The following EDAR variants were observed in gnomAD, a reference collection of about 807,000 sequenced individuals.
EDAR encodes ectodysplasin A receptor.
In EDAR, 38 loss-of-function variants were observed where a neutral mutation model predicts 51.3. That is an observed-to-expected ratio of 0.74 (90% CI 0.57 to 0.97). EDAR has a LOEUF of 0.97. Among genes scored for constraint, EDAR ranks in the 50% least tolerant of loss-of-function variants. The pLI is 0.00. For missense variants in EDAR, 528 were observed against 595.0 expected (o/e 0.89, Z 1.17); for synonymous variants, 227 against 242.1 (o/e 0.94, Z 0.58).
At chr2:108,959,913 C>T (rs781334722) in intron 1 of EDAR, among the ~76,000 whole-genome samples, 5 of 152,214 alleles carry the variant, frequency 3.3e-5, no homozygotes, top group Non-Finnish European at 7.3e-5. Flanking sequence ...ACTTGCCCTA[C>T]ACAACATTCT....
chr2:108,895,905 T>C lies in EDAR; in HGVS notation c.*1002A>G, dbSNP rs1160303360. 6.6e-6 allele frequency: 1 copy of C among 152,238 alleles called. No homozygotes were observed. The highest frequency in any genetic ancestry group is 2.4e-5 in the African/African-American group (1 of 41,466). 9.4% of individuals were successfully genotyped at this position (152,238 alleles called of 1,614,324 possible). A position where few individuals can be genotyped will look rare whatever the true frequency, so the allele number is the denominator to read the frequency against. On this transcript the variant is annotated 3_prime_UTR_variant, in exon 12 of 12. Transcript: ENST00000258443. The stretch of plus-strand genomic sequence containing the variant: ...TAGATGCTCTTGAAATCTAGAATTA[T>C]GCGTGGCTGAACTCTTAGGAAGTCA...
intron 11 of EDAR, among the ~76,000 whole-genome samples, chr2:108,900,383 C>T (rs1247476143): frequency 1.3e-5 from 2 of 152,066 alleles, no homozygotes; most frequent in African/African-American, 4.8e-5. Flanking sequence ...CGGTGAAACC[C>T]TGTTTCTACT....
At chr2:108,910,901 G>A in intron 7 of EDAR, 46 bp downstream of exon 7, 1 of 1,614,032 alleles carries the variant, frequency 6.2e-7, no homozygotes, top group Non-Finnish European at 8.5e-7. Flanking sequence ...AGGGGGAGTT[G>A]ACGGAGAGTC....
rs145518416 is a variant in EDAR, at chr2:108,929,311, T to C, written c.243A>G (p.Lys81=). 1.1e-3 allele frequency: 1,705 copies of C among 1,614,146 alleles called. 9 individuals carry two copies. Among genetic ancestry groups the C allele is most frequent in the South Asian group, 5.3e-3 (484 of 91,084 alleles). The part of the protein sequence containing the change: ...CVPCPAEKFS[K]GGYQICRRHK... Reference sequence around the variant, plus strand: ...GACGCCTGCATATCTGGTAGCCTCCTTTGGAAAACTTCTCCGCCGGGCAGG... The same window carrying C: ...GACGCCTGCATATCTGGTAGCCTCCCTTGGAAAACTTCTCCGCCGGGCAGG... Residue 81 remains lysine (K), a synonymous_variant, in exon 4 of 12, where the codon AAA becomes AAG. Coordinates refer to ENST00000258443, the MANE Select transcript of EDAR (RefSeq NM_022336.4).
intron 1 of EDAR, among the ~76,000 whole-genome samples, chr2:108,944,355 C>A (rs1385226670): frequency 2.6e-5 from 4 of 152,220 alleles, no homozygotes; most frequent in Non-Finnish European, 5.9e-5. Flanking sequence ...CTCAGGTAAT[C>A]CACCCGCCTT....
chr2:108,922,935 A>G (rs1697176977), intron 5 of EDAR, among the ~76,000 whole-genome samples: 1 of 152,240 alleles, frequency 6.6e-6, no homozygotes, highest in South Asian at 2.1e-4. Context: ...AATCTGTTTC[A>G]TTAATTGTGA....
rs1320471457 is a variant in EDAR, at chr2:108,895,166, T to A, written c.*1741A>T. The A allele has an allele frequency of 6.6e-6, 1 of 152,648 alleles. No homozygotes were observed. The highest frequency in any genetic ancestry group is 1.5e-5 in the Non-Finnish European group (1 of 68,042). 9.5% of individuals were successfully genotyped at this position (152,648 alleles called of 1,614,324 possible). On this transcript the variant is annotated 3_prime_UTR_variant, in exon 12 of 12. Coordinates refer to ENST00000258443, the MANE Select transcript of EDAR (RefSeq NM_022336.4). Reference sequence around the variant, plus strand: ...AGCAGCAAACAGACACAGTAAATGATGATATTAAATATTCAGGACCTCATT... The same window carrying A: ...AGCAGCAAACAGACACAGTAAATGAAGATATTAAATATTCAGGACCTCATT...
At chr2:108,938,890 C>T (rs111797433) in intron 1 of EDAR, among the ~76,000 whole-genome samples, 1 of 148,602 alleles carries the variant, frequency 6.7e-6, no homozygotes, top group Non-Finnish European at 1.5e-5. Flanking sequence ...AGCAATTCTC[C>T]TGCCTCAGCC....
intron 5 of EDAR, among the ~76,000 whole-genome samples, chr2:108,917,550 A>G (rs1280203171): frequency 3.3e-5 from 5 of 152,206 alleles, no homozygotes; most frequent in Non-Finnish European, 7.3e-5. Flanking sequence ...TTATGTATCA[A>G]TTGAAAGAAG....
intron 1 of EDAR, among the ~76,000 whole-genome samples, chr2:108,950,892 C>T (rs924303500): frequency 6.6e-6 from 1 of 152,228 alleles, no homozygotes; most frequent in Non-Finnish European, 1.5e-5. Context: ...TCCACATTAA[C>T]CAGGCCCCCA....
rs1464909871 is a variant in EDAR, at chr2:108,896,431, T to G, written c.*476A>C. Reference sequence around the variant, plus strand: ...TAGGGAGTCATCTCCCGCTTAGAACTTCTATTAACGTTTTCTAAGCGCCCC... The same window carrying G: ...TAGGGAGTCATCTCCCGCTTAGAACGTCTATTAACGTTTTCTAAGCGCCCC... On this transcript the variant is annotated 3_prime_UTR_variant, in exon 12 of 12. Coordinates refer to ENST00000258443, the MANE Select transcript of EDAR (RefSeq NM_022336.4). The G allele has an allele frequency of 6.4e-6, 1 of 156,902 alleles. No individual in the cohort carries two copies. The highest frequency in any genetic ancestry group is 1.4e-5 in the Non-Finnish European group (1 of 70,624). The allele number at this position is 156,902 out of a possible 1,614,324, so 9.7% of individuals were successfully genotyped here. A position where few individuals can be genotyped will look rare whatever the true frequency, so the allele number is the denominator to read the frequency against.
intron 1 of EDAR, among the ~76,000 whole-genome samples, chr2:108,973,390 G>A (rs1698268577): frequency 6.6e-6 from 1 of 152,206 alleles, no homozygotes; most frequent in Non-Finnish European, 1.5e-5. Flanking sequence ...CAGAGAGAGT[G>A]TCCGCCATCA....
rs117179797 is a variant in EDAR at position 108,954,412 on chromosome 2, G to A, written c.-18-23380C>T. ...TTCTGCAGCCTACCTGCCCTCTCTC[G>A]CCCTGCAAACTTTGGATAGGTGTGG... On this transcript the variant is annotated intron_variant, in intron 1 of 11. Coordinates refer to ENST00000258443, the MANE Select transcript of EDAR (RefSeq NM_022336.4). Among the ~76,000 whole-genome samples the A allele has an allele frequency of 3.6e-4, 55 of 152,160 alleles. No individual in the cohort carries two copies. In the East Asian group the frequency reaches 5.8e-3, roughly 16 times the overall value.
intron 1 of EDAR, among the ~76,000 whole-genome samples, chr2:108,954,286 A>T (rs766650827): frequency 6.6e-6 from 1 of 152,206 alleles, no homozygotes; most frequent in Non-Finnish European, 1.5e-5. Context: ...ATAGCTATAC[A>T]TCAAGACCTA....
intron 1 of EDAR, among the ~76,000 whole-genome samples, chr2:108,939,503 A>C (rs1287250924): frequency 6.6e-6 from 1 of 152,150 alleles, no homozygotes; most frequent in Non-Finnish European, 1.5e-5. Context: ...GGACTGTCCC[A>C]AGTCCCAAGA....
chr2:108,929,573 G>A (rs990302727), intron 3 of EDAR, among the ~76,000 whole-genome samples, 194 bp from the exon 4 acceptor site: 6 of 152,110 alleles, frequency 3.9e-5, no homozygotes, highest in African/African-American at 7.2e-5. Context: ...CCCTCTCCTC[G>A]CCACTCTCAG....
chr2:108,933,528 T>C (rs1318576183), intron 1 of EDAR, among the ~76,000 whole-genome samples: 1 of 152,142 alleles, frequency 6.6e-6, no homozygotes, highest in East Asian at 1.9e-4. Flanking sequence ...CTTGGAGGTG[T>C]CTCACTTGGT....
intron 1 of EDAR, among the ~76,000 whole-genome samples, chr2:108,959,101 G>A (rs1191633793): frequency 6.6e-6 from 1 of 152,236 alleles, no homozygotes; most frequent in Non-Finnish European, 1.5e-5. Flanking sequence ...AGTTCTCTGT[G>A]GCTTCCCGTG....
At chr2:108,973,317 G>T (rs61686486) in intron 1 of EDAR, among the ~76,000 whole-genome samples, 29,345 of 152,156 alleles carry the variant, frequency 0.19, 4,381 homozygotes, top group East Asian at 0.84. Context: ...CCGCCTCCCT[G>T]CAAGTTGTGA....
Sources: gnomAD v4.1 joint callset for allele counts (sites outside exome capture counted in the v4.1 genomes callset) on GRCh38, gnomAD v4.1.1 for gene constraint, MANE v1.5 for transcripts, NCBI Gene and HGNC (gene_info 2026-07-23, HGNC 2026-07-21) for gene names.